RBM26: variants seen among roughly 807,000 people sequenced by gnomAD.
The protein encoded by RBM26 is RNA-binding protein 26.
A neutral mutation model predicts 123.6 loss-of-function variants in RBM26; 30 were observed. The observed-to-expected ratio is 0.24, with a 90% CI of 0.18 to 0.33. The LOEUF is 0.33. RBM26 is among the 10% of genes least tolerant of loss of function. RBM26 has a pLI of 1.00. For synonymous variants in RBM26, 400 were observed against 404.4 expected (o/e 0.99, Z 0.13); for missense variants, 947 against 1,203.6 (o/e 0.79, Z 3.15).
At chr13:79,331,099 C>T (rs1478907212) in intron 20 of RBM26, among the ~76,000 whole-genome samples, 2 of 152,138 alleles carry the variant, frequency 1.3e-5, no homozygotes, top group African/African-American at 2.4e-5. Context: ...CAACCTCTGC[C>T]TCCTGGGCTC....
At chr13:79,379,195 T>C (rs948012584) in intron 1 of RBM26, among the ~76,000 whole-genome samples, 1 of 151,926 alleles carries the variant, frequency 6.6e-6, no homozygotes, top group Admixed American at 6.6e-5. Context: ...TCAGATTTTA[T>C]AAAAGTGGCA....
At chr13:79,366,924 A>G (rs577306754) in intron 6 of RBM26, 52 bp from the exon 7 acceptor site, 4 of 1,432,034 alleles carry the variant, frequency 2.8e-6, no homozygotes, top group Non-Finnish European at 1.9e-6. Context: ...GGAAATATAT[A>G]TTTTCTCTAA....
At chr13:79,363,880 T>G (rs1016862715) in intron 9 of RBM26, among the ~76,000 whole-genome samples, 1 of 152,140 alleles carries the variant, frequency 6.6e-6, no homozygotes, top group Non-Finnish European at 1.5e-5. Flanking sequence ...GAATCCCCAG[T>G]AAAATGTTAA....
intron 6 of RBM26, 70 bp from the exon 7 acceptor site, chr13:79,366,942 A>C (rs1227187151): frequency 7.8e-7 from 1 of 1,290,176 alleles, no homozygotes; most frequent in Non-Finnish European, 1.0e-6. Context: ...TAAGTTAGCA[A>C]AAGTAAAATA....
chr13:79,366,745 T>A lies in RBM26; in HGVS notation c.1023A>T (p.Pro341=). 1 of 1,612,774 alleles carries A rather than the reference T, an allele frequency of 6.2e-7. No homozygotes were observed. Among genetic ancestry groups the A allele is most frequent in the Non-Finnish European group, 8.5e-7 (1 of 1,179,554 alleles). The change falls in exon 7 of 22, where the codon CCA becomes CCT. Residue 341 remains proline, a synonymous_variant. Transcript: ENST00000438737. ...GAGGTGGGGGGAGTCCAGGAGGAGG[T>A]GGTCCTTCAACAACAGGAGGCTGTG... ...FPAQPPVVEG[P]PPPGLPPPPP...
intron 1 of RBM26, among the ~76,000 whole-genome samples, chr13:79,384,996 C>A (rs2077364794): frequency 6.6e-6 from 1 of 152,126 alleles, no homozygotes; most frequent in Non-Finnish European, 1.5e-5. Flanking sequence ...GTTCAGTAAT[C>A]TTGAAAAGAA....
At chr13:79,337,458 T>C (rs1421081396) in intron 18 of RBM26, among the ~76,000 whole-genome samples, 156 bp from the exon 19 acceptor site, 2 of 152,208 alleles carry the variant, frequency 1.3e-5, no homozygotes, top group Non-Finnish European at 2.9e-5. Flanking sequence ...GGTTTTAGTT[T>C]AGTGAAAGTA....
At chr13:79,332,324 T>C (rs1456634735) in intron 20 of RBM26, among the ~76,000 whole-genome samples, 1 of 152,192 alleles carries the variant, frequency 6.6e-6, no homozygotes, top group South Asian at 2.1e-4. Flanking sequence ...TTTTAAAGTA[T>C]TCTTCCCTGG....
At chr13:79,378,987 GAAT>G (rs2076863201) in intron 1 of RBM26, 80 bp from the exon 2 acceptor site, 1 of 865,660 alleles carries the variant, frequency 1.2e-6, no homozygotes, top group Non-Finnish European at 1.9e-6. Context: ...GAATTAGTGA[GAAT>G]AATAGTTAAG....
chr13:79,397,312 G>A (rs1473281660), intron 1 of RBM26, among the ~76,000 whole-genome samples: 1 of 152,144 alleles, frequency 6.6e-6, no homozygotes, highest in Non-Finnish European at 1.5e-5. Context: ...GCCAATATCA[G>A]TAATACTGAA....
intron 20 of RBM26, among the ~76,000 whole-genome samples, chr13:79,330,121 A>G (rs1203638618): frequency 6.6e-6 from 1 of 152,200 alleles, no homozygotes; most frequent in African/African-American, 2.4e-5. Flanking sequence ...TTATAATTCT[A>G]ATTTCTATAC....
At chr13:79,392,462 A>G (rs2078175429) in intron 1 of RBM26, among the ~76,000 whole-genome samples, 1 of 146,444 alleles carries the variant, frequency 6.8e-6, no homozygotes, top group Non-Finnish European at 1.5e-5. Flanking sequence ...AGTATTATGT[A>G]CTATATATGT....
chr13:79,352,183 C>T (rs1051088799), intron 14 of RBM26, among the ~76,000 whole-genome samples: 1 of 151,978 alleles, frequency 6.6e-6, no homozygotes, highest in African/African-American at 2.4e-5. Context: ...AAATAATATA[C>T]TGAAGAATAT....
chr13:79,350,554 TTCCTC>T (rs1247554186), intron 14 of RBM26, among the ~76,000 whole-genome samples: 5 of 152,202 alleles, frequency 3.3e-5, no homozygotes, highest in Non-Finnish European at 1.5e-5. Context: ...CGTTTTAACT[TTCCTC>T]TCTTCTAGCC....
intron 20 of RBM26, among the ~76,000 whole-genome samples, chr13:79,326,372 A>G (rs753133956): frequency 1.6e-4 from 25 of 152,216 alleles, no homozygotes; most frequent in Non-Finnish European, 2.8e-4. Context: ...AAGGAACACC[A>G]TGTTTAAATG....
chr13:79,312,226 C>T (rs1256254659), exon 5 of RBM26: 1 of 151,942 alleles, frequency 6.6e-6, no homozygotes, highest in Non-Finnish European at 1.5e-5. Flanking sequence ...AACAGTCCAC[C>T]GAAATTGAGT....
Position 79,319,656 on chromosome 13 carries a change from T to C in RBM26, c.*965A>G. ...TGATGTTTTCTTATTCACCAAATGT[T>C]AGCTCTACTTGCAGTCTGGTTCCAA... is the stretch of plus-strand genomic sequence containing the variant. On this transcript the variant is annotated 3_prime_UTR_variant, in exon 22 of 22. Coordinates refer to ENST00000438737, the MANE Select transcript of RBM26 (RefSeq NM_001366735.2). 5.1e-6 allele frequency: 5 copies of C among 984,348 alleles called. No homozygotes were observed. The highest frequency in any genetic ancestry group is 6.0e-6 in the Non-Finnish European group (5 of 829,158). The allele number at this position is 984,348 out of a possible 1,614,324, so 61.0% of individuals were successfully genotyped here.
At chr13:79,342,230 A>C (rs1220504715) in intron 17 of RBM26, among the ~76,000 whole-genome samples, 2 of 151,766 alleles carry the variant, frequency 1.3e-5, no homozygotes, top group Non-Finnish European at 3.0e-5. Flanking sequence ...TTTTTTTCTT[A>C]ATCACTTATT....
intron 14 of RBM26, among the ~76,000 whole-genome samples, chr13:79,346,528 A>G (rs546128669): frequency 2.0e-5 from 3 of 152,076 alleles, no homozygotes; most frequent in Admixed American, 6.5e-5. Flanking sequence ...GCGCACCACC[A>G]CACCCGGCTA....
Sources: allele counts gnomAD v4.1 joint callset (sites outside exome capture counted in the v4.1 genomes callset), GRCh38; gene constraint gnomAD v4.1.1; transcripts MANE v1.5; gene names NCBI Gene and HGNC (gene_info 2026-07-23, HGNC 2026-07-21).